The following PCED1B variants were observed in gnomAD, a reference collection of about 807,000 sequenced individuals.
PCED1B encodes PC-esterase domain containing 1B, also known as PC-esterase domain-containing protein 1B.
For synonymous variants in PCED1B, 251 were observed against 246.1 expected (o/e 1.02, Z -0.19); for missense variants, 573 against 573.9 (o/e 1.00, Z 0.02).
At chr12:47,119,245 A>G (rs535819691) in intron 2 of PCED1B, among the ~76,000 whole-genome samples, 4 of 152,200 alleles carry the variant, frequency 2.6e-5, no homozygotes, top group Non-Finnish European at 5.9e-5. Context: ...TTAATCCTAA[A>G]TAGATCAAAG....
At chr12:47,168,776 T>C (rs1941625114) in intron 2 of PCED1B, among the ~76,000 whole-genome samples, 1 of 152,218 alleles carries the variant, frequency 6.6e-6, no homozygotes, top group Non-Finnish European at 1.5e-5. Context: ...TAAAGTGTTG[T>C]TACTTTATTG....
intron 2 of PCED1B, chr12:47,135,716 T>C (rs1420940784): frequency 1.9e-6 from 1 of 531,564 alleles, no homozygotes; most frequent in Non-Finnish European, 3.8e-6. Flanking sequence ...GGGTGTTGAA[T>C]AGGGACCAGA....
At chr12:47,086,360 TA>T (rs3045485) in intron 1 of PCED1B, among the ~76,000 whole-genome samples, 18,318 of 95,420 alleles carry the variant, frequency 0.19, 1,475 homozygotes, top group Middle Eastern at 0.31. Flanking sequence ...GTGCTTATGG[TA>T]AAAAAAAAAA....
chr12:47,089,436 G>A (rs1938144580), intron 1 of PCED1B, among the ~76,000 whole-genome samples: 1 of 82,864 alleles, frequency 1.2e-5, no homozygotes. Flanking sequence ...GACAGAGCAA[G>A]ACTCCATCTC....
At chr12:47,111,139 T>C (rs1392069399) in intron 2 of PCED1B, among the ~76,000 whole-genome samples, 1 of 152,192 alleles carries the variant, frequency 6.6e-6, no homozygotes, top group African/African-American at 2.4e-5. Context: ...AAGGATGCTA[T>C]GACTCTCATG....
chr12:47,192,366 A>C (rs1942471967), intron 2 of PCED1B, among the ~76,000 whole-genome samples: 1 of 152,202 alleles, frequency 6.6e-6, no homozygotes, highest in South Asian at 2.1e-4. Flanking sequence ...GCCTGGAAAA[A>C]AAATGGAGAT....
chr12:47,090,115 G>A (rs537681236), intron 1 of PCED1B, among the ~76,000 whole-genome samples: 2 of 152,264 alleles, frequency 1.3e-5, no homozygotes, highest in East Asian at 3.9e-4. Context: ...TCATGATTCT[G>A]CTCAAATCAG....
chr12:47,201,164 A>G (rs1023623207), intron 2 of PCED1B, among the ~76,000 whole-genome samples: 3 of 152,234 alleles, frequency 2.0e-5, no homozygotes, highest in Non-Finnish European at 4.4e-5. Flanking sequence ...TCTAGTTAAA[A>G]GAATTTTACA....
chr12:47,115,704 C>G (rs1009916662), intron 2 of PCED1B, among the ~76,000 whole-genome samples: 1 of 152,190 alleles, frequency 6.6e-6, no homozygotes, highest in African/African-American at 2.4e-5. Flanking sequence ...TAATGTACAA[C>G]CATTTATTCT....
Position 47,236,175 on chromosome 12 carries a change from AC to A in PCED1B, c.1113del (p.Asp371GlufsTer66). The A allele has an allele frequency of 6.2e-7, 1 of 1,614,066 alleles. No homozygotes were observed. Among genetic ancestry groups the A allele is most frequent in the Non-Finnish European group, 8.5e-7 (1 of 1,180,008 alleles). Reference protein sequence around the residue: ...SSAHAGFFVEDNFMVGPQLPM... With the variant: ...SSAHAGFFVEXNFMVGPQLPM... ...GCCCATGCAGGTTTCTTCGTCGAAG[AC>A]AATTTTATGGTTGGTCCTCAGCTGC... On this transcript the variant is annotated frameshift_variant, in exon 4 of 4. Transcript: ENST00000546455. LOFTEE classifies it low-confidence loss of function (END_TRUNC).
intron 2 of PCED1B, among the ~76,000 whole-genome samples, chr12:47,149,807 G>C (rs1007069046): frequency 6.6e-6 from 1 of 152,190 alleles, no homozygotes; most frequent in Non-Finnish European, 1.5e-5. Flanking sequence ...CTAATGAATA[G>C]ACTAAATCAC....
At chr12:47,123,888 C>A in intron 2 of PCED1B, among the ~76,000 whole-genome samples, 1 of 152,000 alleles carries the variant, frequency 6.6e-6, no homozygotes, top group Non-Finnish European at 1.5e-5. Flanking sequence ...ACTTTAGTGG[C>A]TACTTGATAT....
intron 2 of PCED1B, among the ~76,000 whole-genome samples, chr12:47,191,583 C>T (rs1030257319): frequency 3.9e-5 from 6 of 152,032 alleles, no homozygotes; most frequent in East Asian, 1.9e-4. Flanking sequence ...GAAGAAATAC[C>T]GCAGGCCTGC....
intron 2 of PCED1B, among the ~76,000 whole-genome samples, chr12:47,107,873 C>G (rs140513092): frequency 1.3e-5 from 2 of 152,166 alleles, no homozygotes; most frequent in Non-Finnish European, 1.5e-5. Flanking sequence ...GACTCCTAAA[C>G]CAGAAAAATG....
Position 47,095,900 on chromosome 12 carries a change from G to T in PCED1B, c.-608-8213G>T, listed in dbSNP as rs188248672. Reference sequence around the variant, plus strand: ...TTTTGGCTCATTTGTGGGTCAGACAGATCTGAGAAGCTTGGTTTTTTTTTA... The same window carrying T: ...TTTTGGCTCATTTGTGGGTCAGACATATCTGAGAAGCTTGGTTTTTTTTTA... On this transcript the variant is annotated intron_variant, in intron 1 of 3. Transcript: ENST00000546455. Among the ~76,000 whole-genome samples, 3 of 152,172 alleles carry T rather than the reference G, an allele frequency of 2.0e-5. No homozygotes were observed. In the East Asian group the frequency reaches 5.8e-4, roughly 29 times the overall value.
At chr12:47,093,902 C>T (rs1186684063) in intron 1 of PCED1B, among the ~76,000 whole-genome samples, 2 of 151,990 alleles carry the variant, frequency 1.3e-5, no homozygotes, top group African/African-American at 4.8e-5. Flanking sequence ...ATGAAGTGGT[C>T]ATTAGGTACC....
At chr12:47,124,129 C>A (rs1342032219) in intron 2 of PCED1B, among the ~76,000 whole-genome samples, 1 of 152,006 alleles carries the variant, frequency 6.6e-6, no homozygotes, top group Non-Finnish European at 1.5e-5. Flanking sequence ...CAATAATGAA[C>A]ATATCTAACA....
intron 2 of PCED1B, among the ~76,000 whole-genome samples, chr12:47,117,826 T>C (rs1397741919): frequency 2.6e-5 from 4 of 152,158 alleles, no homozygotes; most frequent in Admixed American, 6.5e-5. Flanking sequence ...AGTGTAAAAG[T>C]GTTCCTATTT....
At chr12:47,221,660 T>C (rs1261937120) in intron 3 of PCED1B, among the ~76,000 whole-genome samples, 1 of 152,242 alleles carries the variant, frequency 6.6e-6, no homozygotes, top group Admixed American at 6.5e-5. Flanking sequence ...ACAGCAGCTC[T>C]CTGAAATTGC....
Sources: allele counts gnomAD v4.1 joint callset (sites outside exome capture counted in the v4.1 genomes callset), GRCh38; gene constraint gnomAD v4.1.1; transcripts MANE v1.5; gene names NCBI Gene and HGNC (gene_info 2026-07-23, HGNC 2026-07-21).